The following FANCD2 variants were observed in gnomAD, a reference collection of about 807,000 sequenced individuals.
FANCD2 encodes Fanconi anemia group D2 protein.
In FANCD2, 131 loss-of-function variants were observed where a neutral mutation model predicts 192.3. That is an observed-to-expected ratio of 0.68 (90% CI 0.59 to 0.79). The LOEUF is 0.79. Among genes scored for constraint, FANCD2 ranks in the 30% least tolerant of loss-of-function variants. FANCD2 has a pLI of 0.00. For synonymous variants in FANCD2, 524 were observed against 612.5 expected (o/e 0.86, Z 2.13); for missense variants, 1,508 against 1,701.6 (o/e 0.89, Z 2.00).
In FANCD2 at chr3:10,081,180, G is replaced by A. The variant is rs753058956; in HGVS notation, c.3057G>A (p.Leu1019=). The change falls in exon 31 of 44, where the codon CTG becomes CTA. Residue 1019 remains leucine (L), a synonymous_variant. Transcript: ENST00000675286. ...AQEIVHCVFQ[L]LTPMCNHLEN... is the part of the protein sequence containing the mutation. ...AAATTGTTCATTGTGTTTTTCAACT[G>A]CTGACCCCAATGTGTAACCACCTGG... is the stretch of plus-strand genomic sequence containing the variant. The A allele has an allele frequency of 1.2e-6, 2 of 1,614,110 alleles. No individual in the cohort carries two copies. Among genetic ancestry groups the A allele is most frequent in the Non-Finnish European group, 1.7e-6 (2 of 1,180,016 alleles).
chr3:10,092,665 C>G (rs1430850123), intron 38 of FANCD2, among the ~76,000 whole-genome samples: 3 of 146,092 alleles, frequency 2.1e-5, no homozygotes, highest in African/African-American at 7.6e-5. Context: ...ATGTCCTTGT[C>G]TCTCCACCTC....
chr3:10,032,610 A>G (rs1030077959), intron 2 of FANCD2, among the ~76,000 whole-genome samples: 1 of 152,130 alleles, frequency 6.6e-6, no homozygotes, highest in African/African-American at 2.4e-5. Context: ...CTGGCCAGAA[A>G]TGGCACATTT....
At chr3:10,080,715 G>A (rs979222535) in intron 30 of FANCD2, among the ~76,000 whole-genome samples, 3 of 152,184 alleles carry the variant, frequency 2.0e-5, no homozygotes, top group African/African-American at 4.8e-5. Context: ...AGGCTGCAGT[G>A]AGCTGTGATC....
chr3:10,101,087 C>T, intron 43 of FANCD2, 101 bp from the exon 44 acceptor site: 1 of 853,688 alleles, frequency 1.2e-6, no homozygotes, highest in Non-Finnish European at 1.9e-6. Flanking sequence ...AAAGTTTTAA[C>T]AGTGATAATA....
intron 2 of FANCD2, 131 bp from the exon 3 acceptor site, chr3:10,032,701 C>A: frequency 1.3e-6 from 1 of 745,412 alleles, no homozygotes; most frequent in Non-Finnish European, 2.3e-6. Context: ...CAGTTTATTT[C>A]ACTACAGCAT....
chr3:10,062,199 G>T lies in FANCD2; in HGVS notation c.1815G>T (p.Glu605Asp). Reference sequence around the variant, plus strand: ...AAGAGAGAGCCAACCTGAGCGATGAGCAGTGCACACAGGTGAGTTCTTTTT... The same window carrying T: ...AAGAGAGAGCCAACCTGAGCGATGATCAGTGCACACAGGTGAGTTCTTTTT... ...LTQERANLSD[E>D]QCTQVTSLLQ... Residue 605 changes from glutamate to aspartate, a missense_variant, in exon 20 of 44, where the codon GAG becomes GAT. This residue lies in a region of FANCD2 where 110 missense variants were observed against 114.4 expected (regional missense o/e 0.96). Coordinates refer to ENST00000675286, the MANE Select transcript of FANCD2 (RefSeq NM_001018115.3). 6.2e-7 allele frequency: 1 copy of T among 1,612,930 alleles called. No individual in the cohort carries two copies. The highest frequency in any genetic ancestry group is 1.1e-5 in the South Asian group (1 of 90,932).
Position 10,081,440 on chromosome 3 carries a change from A to G in FANCD2, c.3200A>G (p.Gln1067Arg), listed in dbSNP as rs771059153. The G allele has an allele frequency of 1.2e-6, 2 of 1,613,778 alleles. No homozygotes were observed. The highest frequency in any genetic ancestry group is 1.3e-5 in the African/African-American group (1 of 75,068). ...IMSSCYQRLLQIFHGLFAWSG... is the reference protein window; with the variant it reads ...IMSSCYQRLLRIFHGLFAWSG... ...TCTTCCTGCTATCAGAGGCTGCTGC[A>G]GATTTTTCATGGGCTTTTTGCTTGG... The change falls in exon 32 of 44, where the codon CAG becomes CGG. Residue 1067 changes from glutamine (Q) to arginine (R), a missense_variant. By Grantham distance (43) the Gln-to-Arg change is conservative. Transcript: ENST00000675286.
At chr3:10,077,359 T>C (rs913967495) in intron 29 of FANCD2, among the ~76,000 whole-genome samples, 26 of 152,244 alleles carry the variant, frequency 1.7e-4, no homozygotes, top group South Asian at 4.1e-4. Context: ...GGTTTGAGAC[T>C]AGCCTGGCCA....
chr3:10,097,067 T>G (rs1168104511), intron 42 of FANCD2, among the ~76,000 whole-genome samples: 1 of 152,096 alleles, frequency 6.6e-6, no homozygotes, highest in African/African-American at 2.4e-5. Context: ...CAGCAAGTTT[T>G]TATTAGGGAT....
chr3:10,065,219 GC>G (rs1024588679), intron 23 of FANCD2, among the ~76,000 whole-genome samples, 174 bp from the exon 24 acceptor site: 1 of 152,166 alleles, frequency 6.6e-6, no homozygotes, highest in African/African-American at 2.4e-5. Flanking sequence ...AACCTGGGAG[GC>G]AGAGGTTGCA....
chr3:10,101,142 A>G, intron 43 of FANCD2, 46 bp from the exon 44 acceptor site: 1 of 1,404,604 alleles, frequency 7.1e-7, no homozygotes, highest in Non-Finnish European at 1.0e-6. Flanking sequence ...GAGGTCACCC[A>G]GAGCAGTAAC....
At chr3:10,063,537 G>A (rs2087627219) in intron 20 of FANCD2, among the ~76,000 whole-genome samples, 1 of 152,224 alleles carries the variant, frequency 6.6e-6, no homozygotes, top group South Asian at 2.1e-4. Flanking sequence ...TATTCCTTAA[G>A]GGTTTCTTAG....
chr3:10,027,904 CAA>C (rs145483323), intron 1 of FANCD2, among the ~76,000 whole-genome samples: 193 of 66,492 alleles, frequency 2.9e-3, no homozygotes, highest in African/African-American at 9.8e-3. Flanking sequence ...GACTCCGTCT[CAA>C]AAAAAAAAAA....
In FANCD2 at chr3:10,035,196, GTC is replaced by G; in HGVS notation, c.404_405del (p.Leu135HisfsTer8). On this transcript the variant is annotated frameshift_variant, in exon 6 of 44. Coordinates refer to ENST00000675286, the MANE Select transcript of FANCD2 (RefSeq NM_001018115.3). LOFTEE classifies it high-confidence loss of function. ...AGTATGGGTGCATCTTATTCTAAGA[GTC>G]TCATCAAACTGCTTCTGGGGATTGA... The G allele has an allele frequency of 1.2e-6, 2 of 1,613,482 alleles. No homozygotes were observed. The highest frequency in any genetic ancestry group is 1.7e-6 in the Non-Finnish European group (2 of 1,179,656).
chr3:10,033,698 CTTTTTTTT>C (rs34115008), intron 3 of FANCD2, among the ~76,000 whole-genome samples: 2 of 89,378 alleles, frequency 2.2e-5, no homozygotes, highest in Admixed American at 3.2e-4. Context: ...AAAGCTAAGT[CTTTTTTTT>C]TTTTTTTTTT....
chr3:10,048,673 A>G (rs35293461), intron 16 of FANCD2, among the ~76,000 whole-genome samples: 30,085 of 140,326 alleles, frequency 0.21, 3,373 homozygotes, highest in African/African-American at 0.35. Context: ...TATGAAAGCA[A>G]GTAAAGAACA....
chr3:10,043,260 GTATTA>G, intron 12 of FANCD2, 110 bp downstream of exon 12: 1 of 859,170 alleles, frequency 1.2e-6, no homozygotes, highest in South Asian at 1.4e-5. Flanking sequence ...TTTACATCTA[GTATTA>G]TATTGTTTTT....
At chr3:10,060,439 T>C in intron 19 of FANCD2, 36 bp downstream of exon 19, 1 of 1,484,082 alleles carries the variant, frequency 6.7e-7, no homozygotes, top group Non-Finnish European at 9.4e-7. Context: ...TGGTTTAAGA[T>C]CAGTTAATCT....
At chr3:10,043,271 T>C in intron 12 of FANCD2, 121 bp downstream of exon 12, 1 of 845,278 alleles carries the variant, frequency 1.2e-6, no homozygotes, top group Non-Finnish European at 2.0e-6. Context: ...TATTATATTG[T>C]TTTTCAAATT....
Sources: gnomAD v4.1 joint callset for allele counts (sites outside exome capture counted in the v4.1 genomes callset) on GRCh38, gnomAD v4.1.1 for gene constraint, gnomAD v4.1.1 regional missense constraint, MANE v1.5 for transcripts, NCBI Gene and HGNC (gene_info 2026-07-23, HGNC 2026-07-21) for gene names.